OTUD7A: variants seen among roughly 807,000 people sequenced by gnomAD.
The protein encoded by OTUD7A is OTU domain-containing protein 7A.
In OTUD7A, 12 loss-of-function variants were observed where a neutral mutation model predicts 65.7. The observed-to-expected ratio is 0.18, with a 90% CI of 0.12 to 0.30. OTUD7A has a LOEUF of 0.30. Among genes scored for constraint, OTUD7A ranks in the 10% least tolerant of loss-of-function variants. OTUD7A has a pLI of 1.00. For synonymous variants in OTUD7A, 641 were observed against 586.3 expected, an observed-to-expected ratio of 1.09 and a Z score of -1.35; for missense variants, 1,148 against 1,304.8, an observed-to-expected ratio of 0.88 and a Z score of 1.85.
At chr15:31,677,460 C>T (rs1892619115) in intron 1 of OTUD7A, among the ~76,000 whole-genome samples, 1 of 152,048 alleles carries the variant, frequency 6.6e-6, no homozygotes, top group Non-Finnish European at 1.5e-5. Context: ...GAATTGTAAT[C>T]CCCATAATCC....
chr15:31,808,928 T>C (rs1896350561), intron 1 of OTUD7A, among the ~76,000 whole-genome samples: 1 of 152,172 alleles, frequency 6.6e-6, no homozygotes, highest in Admixed American at 6.5e-5. Context: ...CATTGTCTAA[T>C]CGTGTGTGGC....
intron 1 of OTUD7A, among the ~76,000 whole-genome samples, chr15:31,701,515 T>G (rs1329349208): frequency 6.6e-6 from 1 of 152,026 alleles, no homozygotes; most frequent in African/African-American, 2.4e-5. Flanking sequence ...AATATGGTAA[T>G]ATTATGAACA....
intron 1 of OTUD7A, among the ~76,000 whole-genome samples, chr15:31,669,700 G>A (rs1454265577): frequency 6.6e-6 from 1 of 152,162 alleles, no homozygotes; most frequent in East Asian, 1.9e-4. Flanking sequence ...ACAAAGTTCA[G>A]CTGGAGACTT....
At chr15:31,657,234 C>T (rs1157488397) in intron 1 of OTUD7A, among the ~76,000 whole-genome samples, 157 bp from the exon 2 acceptor site, 3 of 152,242 alleles carry the variant, frequency 2.0e-5, no homozygotes, top group Non-Finnish European at 4.4e-5. Flanking sequence ...CCCCGCTTAC[C>T]AGCTGACCAG....
rs1896245527 is a variant in OTUD7A at position 31,805,483 on chromosome 15, G to A, written c.-100+65024C>T. On this transcript the variant is annotated intron_variant, in intron 1 of 12. Transcript: ENST00000307050. The stretch of plus-strand genomic sequence containing the variant: ...ACCCTCTCTTCTATCCACCCCAAAA[G>A]ATAACTTCCCTGTCTGCACAGGGCC... Among the ~76,000 whole-genome samples, 4 of 152,192 alleles carry A rather than the reference G, an allele frequency of 2.6e-5. No individual in the cohort carries two copies. The South Asian group carries it at 8.3e-4, about 31-fold the overall frequency.
chr15:31,722,688 A>G (rs113912094), intron 1 of OTUD7A, among the ~76,000 whole-genome samples: 2 of 152,334 alleles, frequency 1.3e-5, no homozygotes, highest in Admixed American at 6.5e-5. Context: ...CCCAGGGCCC[A>G]GGAGGAACTG....
chr15:31,535,341 C>T (rs897441455), intron 5 of OTUD7A, among the ~76,000 whole-genome samples: 4 of 152,110 alleles, frequency 2.6e-5, no homozygotes, highest in African/African-American at 7.2e-5. Context: ...GAAGAAGGTG[C>T]CTACTTCCCC....
At chr15:31,520,181 C>T (rs1487476568) in intron 8 of OTUD7A, among the ~76,000 whole-genome samples, 66 of 147,948 alleles carry the variant, frequency 4.5e-4, no homozygotes, top group South Asian at 2.2e-4. Flanking sequence ...GTCTAGCCAA[C>T]GGAATCCTAA....
chr15:31,515,507 C>CT (rs2041831960), intron 8 of OTUD7A, among the ~76,000 whole-genome samples: 1 of 152,206 alleles, frequency 6.6e-6, no homozygotes, highest in South Asian at 2.1e-4. Context: ...GTGAAAGGCA[C>CT]TGCAGAGGCC....
In OTUD7A at chr15:31,484,178, G is replaced by T; in HGVS notation, c.1918C>A (p.Arg640Ser). 6.2e-7 allele frequency: 1 copy of T among 1,610,248 alleles called. No individual in the cohort carries two copies. Among genetic ancestry groups the T allele is most frequent in the Non-Finnish European group, 8.5e-7 (1 of 1,179,424 alleles). The change falls in exon 13 of 13, where the codon CGC becomes AGC. Residue 640 changes from arginine to serine, a missense_variant. This residue lies in a region of OTUD7A where 842 missense variants were observed against 769.5 expected (regional missense o/e 1.09). Coordinates refer to ENST00000307050, the MANE Select transcript of OTUD7A (RefSeq NM_001382637.1). This position sits in a 1 kb window ranked among gnomAD's most constrained non-coding sequence, Gnocchi z 4.5. The stretch of plus-strand genomic sequence containing the variant: ...AGCAGGCCGGCGAAGATGAACTTGC[G>T]CTCCCCCTGCATGGCGGCGCGCAGG... The part of the protein sequence containing the change: ...NILRAAMQGE[R>S]KFIFAGLLLT...
At chr15:31,817,101 TG>T (rs1276252721) in intron 1 of OTUD7A, among the ~76,000 whole-genome samples, 1 of 152,148 alleles carries the variant, frequency 6.6e-6, no homozygotes, top group African/African-American at 2.4e-5. Flanking sequence ...GCTGAGGCTG[TG>T]AACTAGTTTC....
intron 8 of OTUD7A, among the ~76,000 whole-genome samples, chr15:31,510,081 T>C (rs1351709201): frequency 6.7e-6 from 1 of 150,248 alleles, no homozygotes; most frequent in Non-Finnish European, 1.5e-5. Context: ...CTGTTTCCCC[T>C]GTTTTTTTTT....
At chr15:31,710,553 C>T (rs1236437838) in intron 1 of OTUD7A, among the ~76,000 whole-genome samples, 1 of 152,122 alleles carries the variant, frequency 6.6e-6, no homozygotes, top group Non-Finnish European at 1.5e-5. Context: ...GGGCAGGGGG[C>T]ACCAGAGGGA....
intron 3 of OTUD7A, among the ~76,000 whole-genome samples, chr15:31,622,140 G>A (rs1890807373): frequency 6.6e-6 from 1 of 152,184 alleles, no homozygotes; most frequent in South Asian, 2.1e-4. Context: ...TCAGCTGTTA[G>A]TCTGATGGGC....
rs545193740 is a variant in OTUD7A at position 31,638,778 on chromosome 15, G to T, written c.151+16318C>A. Among the ~76,000 whole-genome samples the T allele has an allele frequency of 3.3e-5, 5 of 152,202 alleles. No homozygotes were observed. In the East Asian group the frequency reaches 9.6e-4, roughly 29 times the overall value. On this transcript the variant is annotated intron_variant, in intron 3 of 12. Transcript: ENST00000307050. The stretch of plus-strand genomic sequence containing the variant: ...ATATTTATTGCAGTGGTCTGGAACT[G>T]AATCTGCAATACCTCTGAGGTCTGT...
Position 31,647,869 on chromosome 15 carries a change from G to C in OTUD7A, c.151+7227C>G, listed in dbSNP as rs142739958. ...GGAGGGAGAGCTGAATTTCAACAGG[G>C]AGGCAGTGTGTGCAGGGGGAGGAGC... On this transcript the variant is annotated intron_variant, in intron 3 of 12. Coordinates refer to ENST00000307050, the MANE Select transcript of OTUD7A (RefSeq NM_001382637.1). 2.4e-4 allele frequency among the ~76,000 whole-genome samples: 37 copies of C among 152,012 alleles called. 1 individual carries two copies. Among genetic ancestry groups the C allele is most frequent in the African/African-American group, 5.8e-4 (24 of 41,518 alleles).
At chr15:31,669,037 C>G (rs1211814436) in intron 1 of OTUD7A, among the ~76,000 whole-genome samples, 3 of 152,198 alleles carry the variant, frequency 2.0e-5, no homozygotes, top group Non-Finnish European at 4.4e-5. Flanking sequence ...ACACCAGCAC[C>G]TGTTCTCCTG....
chr15:31,708,647 A>C (rs1270546834), intron 1 of OTUD7A, among the ~76,000 whole-genome samples: 2 of 151,740 alleles, frequency 1.3e-5, no homozygotes, highest in African/African-American at 4.8e-5. Flanking sequence ...ACTTTTCTTA[A>C]CCTCCTTAGC....
chr15:31,578,426 T>C (rs1413279145), intron 3 of OTUD7A, among the ~76,000 whole-genome samples: 2 of 152,198 alleles, frequency 1.3e-5, no homozygotes, highest in Non-Finnish European at 2.9e-5. Context: ...AACCTCTTTA[T>C]CACAAACCAG....
Sources: gnomAD v4.1 joint callset for allele counts (sites outside exome capture counted in the v4.1 genomes callset) on GRCh38, gnomAD v4.1.1 for gene constraint, gnomAD v4.1.1 regional missense constraint, Gnocchi (gnomAD v3.1) non-coding constraint, MANE v1.5 for transcripts, NCBI Gene and HGNC (gene_info 2026-07-23, HGNC 2026-07-21) for gene names.